Variants in THSD7A observed in about 807,000 individuals in gnomAD.
The protein encoded by THSD7A is thrombospondin type-1 domain-containing protein 7A.
A neutral mutation model predicts 231.3 loss-of-function variants in THSD7A; 96 were observed. That is an observed-to-expected ratio of 0.41 (90% confidence interval 0.35 to 0.49). The LOEUF is 0.49. Ranked by LOEUF, THSD7A falls within the 20% of genes least tolerant of loss-of-function variation. The probability of loss-of-function intolerance (pLI) is 0.05; values close to 1 mark genes in which losing one functional copy is unlikely to be tolerated. For synonymous variants in THSD7A, 940 were observed against 743.3 expected (o/e 1.26, Z -4.30); for missense variants, 2,290 against 2,070.2 (o/e 1.11, Z -2.06).
intron 16 of THSD7A, among the ~76,000 whole-genome samples, chr7:11,419,269 C>G (rs1784062877): frequency 6.6e-6 from 1 of 152,100 alleles, no homozygotes; most frequent in African/African-American, 2.4e-5. Context: ...CTCAGTGTTG[C>G]AGGAGGGGCC....
chr7:11,548,044 C>T (rs1416793710), intron 4 of THSD7A, among the ~76,000 whole-genome samples: 2 of 151,980 alleles, frequency 1.3e-5, no homozygotes, highest in Non-Finnish European at 2.9e-5. Flanking sequence ...GTAATAAAAA[C>T]CCACAAGCAA....
chr7:11,428,612 A>C (rs1474430328), intron 14 of THSD7A, among the ~76,000 whole-genome samples: 1 of 152,190 alleles, frequency 6.6e-6, no homozygotes, highest in Non-Finnish European at 1.5e-5. Context: ...AGTTTGGGGA[A>C]ACTATAAGAA....
intron 4 of THSD7A, among the ~76,000 whole-genome samples, chr7:11,564,568 G>A (rs1174927935): frequency 6.6e-6 from 1 of 152,134 alleles, no homozygotes; most frequent in Non-Finnish European, 1.5e-5. Context: ...CTTGGTGTCT[G>A]TTCCTCCAGT....
intron 1 of THSD7A, among the ~76,000 whole-genome samples, chr7:11,796,812 C>A (rs1367808335): frequency 6.6e-6 from 1 of 151,960 alleles, no homozygotes; most frequent in East Asian, 1.9e-4. Flanking sequence ...TTTGTACAGT[C>A]ATTTTTCTAT....
At chr7:11,630,403 GA>G (rs1291969580) in intron 2 of THSD7A, among the ~76,000 whole-genome samples, 1 of 152,118 alleles carries the variant, frequency 6.6e-6, no homozygotes, top group Non-Finnish European at 1.5e-5. Context: ...GACTTAAAAT[GA>G]AAAATGAATT....
At chr7:11,671,170 T>C (rs1197274290) in intron 1 of THSD7A, among the ~76,000 whole-genome samples, 1 of 152,204 alleles carries the variant, frequency 6.6e-6, no homozygotes, top group African/African-American at 2.4e-5. Context: ...AAAATGCTTT[T>C]AGCTGCTTTT....
Position 11,794,727 on chromosome 7 carries a change from C to T in THSD7A, c.190+37030G>A, listed in dbSNP as rs773797477. 4.6e-5 allele frequency among the ~76,000 whole-genome samples: 7 copies of T among 151,968 alleles called. No individual in the cohort carries two copies. The South Asian group carries it at 1.2e-3, about 27-fold the overall frequency. Reference sequence around the variant, plus strand: ...TCACTTGAAAAATAAGTCTTTTTGCCAGTGAGGCATTTTTCAGCAGCCCTC... The same window carrying T: ...TCACTTGAAAAATAAGTCTTTTTGCTAGTGAGGCATTTTTCAGCAGCCCTC... On this transcript the variant is annotated intron_variant, in intron 1 of 27. Coordinates refer to ENST00000423059, the MANE Select transcript of THSD7A (RefSeq NM_015204.3).
chr7:11,466,101 AGTATTGT>A (rs1157895587), intron 9 of THSD7A, among the ~76,000 whole-genome samples: 1 of 152,130 alleles, frequency 6.6e-6, no homozygotes, highest in Non-Finnish European at 1.5e-5. Context: ...TTTGTGCAAT[AGTATTGT>A]GTATTTGACT....
chr7:11,686,449 C>T (rs1780054920), intron 1 of THSD7A, among the ~76,000 whole-genome samples: 1 of 151,882 alleles, frequency 6.6e-6, no homozygotes, highest in African/African-American at 2.4e-5. Flanking sequence ...TACATAACAA[C>T]ATGTACATAG....
intron 1 of THSD7A, among the ~76,000 whole-genome samples, chr7:11,712,616 G>A (rs1391694163): frequency 2.0e-5 from 3 of 148,462 alleles, no homozygotes; most frequent in Non-Finnish European, 3.0e-5. Context: ...ACCATCTTAG[G>A]TATGCTTGAC....
chr7:11,435,829 GAAGT>G (rs1360772038), intron 13 of THSD7A, among the ~76,000 whole-genome samples: 1 of 152,010 alleles, frequency 6.6e-6, no homozygotes, highest in Non-Finnish European at 1.5e-5. Context: ...CAGCTTGTGA[GAAGT>G]AAGGTTGGCT....
At chr7:11,787,272 C>G (rs1783821561) in intron 1 of THSD7A, among the ~76,000 whole-genome samples, 1 of 138,404 alleles carries the variant, frequency 7.2e-6, no homozygotes, top group South Asian at 2.3e-4. Flanking sequence ...CAAAATGGAC[C>G]ACAAGACCTA....
chr7:11,528,081 C>T (rs923946153), intron 6 of THSD7A, among the ~76,000 whole-genome samples: 1 of 152,084 alleles, frequency 6.6e-6, no homozygotes, highest in Non-Finnish European at 1.5e-5. Flanking sequence ...GCAGGAGGAT[C>T]ATTTGAGCCC....
At chr7:11,385,939 A>G (rs754599122) in intron 23 of THSD7A, among the ~76,000 whole-genome samples, 3 of 150,720 alleles carry the variant, frequency 2.0e-5, no homozygotes, top group Admixed American at 6.6e-5. Context: ...TCGTTGTTCA[A>G]CTCCCACTTA....
At position 11,382,683 on chromosome 7, in the gene THSD7A, G is replaced by GTATT. The variant is rs368547712; in HGVS notation, c.4412-71_4412-68dup. On this transcript the variant is annotated intron_variant, in intron 23 of 27. Coordinates refer to ENST00000423059, the MANE Select transcript of THSD7A (RefSeq NM_015204.3). ...CCAGAAGGACAATCATGGGGATAGA[G>GTATT]TATTAATAACATATTACTGAAAAGT... The GTATT allele has an allele frequency of 7.9e-3, 9,268 of 1,169,370 alleles. 68 individuals carry two copies. Among genetic ancestry groups the GTATT allele is most frequent in the Non-Finnish European group, 9.9e-3 (7,823 of 789,544 alleles). The allele number at this position is 1,169,370 out of a possible 1,614,324, so 72.4% of individuals were successfully genotyped here.
intron 15 of THSD7A, among the ~76,000 whole-genome samples, chr7:11,426,463 G>A (rs1180751341): frequency 6.6e-6 from 1 of 152,038 alleles, no homozygotes; most frequent in Admixed American, 6.6e-5. Context: ...TACAATGAGG[G>A]ATATGAAATG....
Position 11,781,239 on chromosome 7 carries a change from C to T in THSD7A, c.190+50518G>A, listed in dbSNP as rs566308889. On this transcript the variant is annotated intron_variant, in intron 1 of 27. Coordinates refer to ENST00000423059, the MANE Select transcript of THSD7A (RefSeq NM_015204.3). ...ATTGCTTGAAGCCGGGTGTACAAGC[C>T]GGGTGTTCAAGACCTGGGCAACAAA... Among the ~76,000 whole-genome samples, 27 of 150,490 alleles carry T rather than the reference C, an allele frequency of 1.8e-4. 1 individual carries two copies. In the South Asian group the frequency reaches 2.3e-3, roughly 13 times the overall value.
intron 4 of THSD7A, among the ~76,000 whole-genome samples, chr7:11,559,905 A>C (rs943757704): frequency 1.3e-5 from 2 of 152,332 alleles, no homozygotes; most frequent in South Asian, 4.1e-4. Context: ...GTATGATTGA[A>C]AAGATGTGCA....
chr7:11,781,357 A>G (rs1480135770), intron 1 of THSD7A, among the ~76,000 whole-genome samples: 1 of 151,858 alleles, frequency 6.6e-6, no homozygotes, highest in Non-Finnish European at 1.5e-5. Flanking sequence ...TGAGAGGCTG[A>G]GCCAAGAGGA....
Sources: gnomAD v4.1 joint callset for allele counts (sites outside exome capture counted in the v4.1 genomes callset) on GRCh38, gnomAD v4.1.1 for gene constraint, MANE v1.5 for transcripts, NCBI Gene and HGNC (gene_info 2026-07-23, HGNC 2026-07-21) for gene names.